The following UST variants were observed in gnomAD, a reference collection of about 807,000 sequenced individuals.
UST encodes the protein chondroitin sulfate 2-O-sulfotransferase.
Under a neutral mutation model 45.6 loss-of-function variants are expected in UST, and 21 were observed. The observed-to-expected ratio is 0.46, with a 90% CI of 0.33 to 0.66. The LOEUF (loss-of-function observed/expected upper bound fraction) is 0.66, where lower values mean the gene tolerates loss of function less well. Among genes scored for constraint, UST ranks in the 30% least tolerant of loss-of-function variants. The pLI is 0.02. For synonymous variants in UST, 215 were observed against 200.6 expected, an observed-to-expected ratio of 1.07 and a Z score of -0.61; for missense variants, 463 against 512.4, an observed-to-expected ratio of 0.90 and a Z score of 0.93.
chr6:149,025,429 A>C (rs1776036681), intron 7 of UST, among the ~76,000 whole-genome samples: 1 of 152,208 alleles, frequency 6.6e-6, no homozygotes, highest in South Asian at 2.1e-4. Context: ...GAGTTTTAGC[A>C]AGATGGATAA....
chr6:149,027,071 G>A (rs1029399040), intron 7 of UST, among the ~76,000 whole-genome samples: 3 of 151,466 alleles, frequency 2.0e-5, no homozygotes, highest in Non-Finnish European at 4.4e-5. Context: ...TAAATATTAT[G>A]CTTTTTTTTT....
chr6:148,799,257 T>C (rs969736950), intron 1 of UST, among the ~76,000 whole-genome samples: 1 of 152,176 alleles, frequency 6.6e-6, no homozygotes, highest in Admixed American at 6.5e-5. Context: ...GTTAAGGTAG[T>C]AATTTAGCGT....
At chr6:149,000,196 G>T (rs1006483408) in intron 5 of UST, among the ~76,000 whole-genome samples, 1 of 152,188 alleles carries the variant, frequency 6.6e-6, no homozygotes, top group Non-Finnish European at 1.5e-5. Flanking sequence ...GTTAAACGTA[G>T]CAACTGCTCA....
At chr6:149,046,850 C>CA (rs1344612719) in intron 7 of UST, among the ~76,000 whole-genome samples, 3 of 152,282 alleles carry the variant, frequency 2.0e-5, no homozygotes, top group Admixed American at 6.5e-5. Context: ...ATGCAGATTC[C>CA]AGCATTCCCT....
chr6:148,877,850 G>A (rs1157808888), intron 1 of UST, among the ~76,000 whole-genome samples: 2 of 138,586 alleles, frequency 1.4e-5, no homozygotes, highest in Admixed American at 7.3e-5. Context: ...GGTCGTGTAC[G>A]AGTGCGGGGA....
In UST at chr6:148,897,700, A is replaced by C. The variant is rs530011846; in HGVS notation, c.291+10671A>C. Among the ~76,000 whole-genome samples, 133 of 151,792 alleles carry C rather than the reference A, an allele frequency of 8.8e-4. 2 individuals are homozygous for C. The highest frequency in any genetic ancestry group is 3.1e-3 in the African/African-American group (130 of 41,370). On this transcript the variant is annotated intron_variant, in intron 2 of 7. Transcript: ENST00000367463. ...GAGATGGGGTCTCACTCTGTTGCCCAGGCTGGCCTTGAACCCCTGGCTTCA... is the reference window on the plus strand; with the variant it reads ...GAGATGGGGTCTCACTCTGTTGCCCCGGCTGGCCTTGAACCCCTGGCTTCA...
chr6:148,800,033 G>A (rs761533085), intron 1 of UST, among the ~76,000 whole-genome samples: 1 of 152,170 alleles, frequency 6.6e-6, no homozygotes, highest in Non-Finnish European at 1.5e-5. Flanking sequence ...AGGTGAATAC[G>A]AGAGCTGTCT....
rs139113578 is a variant in UST, at chr6:149,067,478, G to A, written c.938-6355G>A. 3.0e-3 allele frequency among the ~76,000 whole-genome samples: 458 copies of A among 152,228 alleles called. 2 individuals are homozygous for A. Among genetic ancestry groups the A allele is most frequent in the Non-Finnish European group, 4.8e-3 (329 of 67,996 alleles). ...GATCTTTTAAAGCTCTTGCCTTGTAGCCAAACATGAAAAAGTCCCCCTTCC... is the reference window on the plus strand; with the variant it reads ...GATCTTTTAAAGCTCTTGCCTTGTAACCAAACATGAAAAAGTCCCCCTTCC... On this transcript the variant is annotated intron_variant, in intron 7 of 7. Coordinates refer to ENST00000367463, the MANE Select transcript of UST (RefSeq NM_005715.3).
intron 1 of UST, among the ~76,000 whole-genome samples, chr6:148,803,087 A>C (rs1157474760): frequency 1.3e-5 from 2 of 152,106 alleles, no homozygotes; most frequent in South Asian, 2.1e-4. Flanking sequence ...CAGGGGCTGG[A>C]GTTCTGATTT....
At chr6:148,955,112 C>T (rs1486499324) in intron 4 of UST, among the ~76,000 whole-genome samples, 3 of 152,250 alleles carry the variant, frequency 2.0e-5, no homozygotes, top group Non-Finnish European at 4.4e-5. Flanking sequence ...CTTCTGTCAT[C>T]TTAACATGGG....
intron 1 of UST, among the ~76,000 whole-genome samples, chr6:148,767,763 T>C (rs1776348903): frequency 6.6e-6 from 1 of 152,206 alleles, no homozygotes; most frequent in Non-Finnish European, 1.5e-5. Flanking sequence ...AAAACACACA[T>C]TAATTTCTTT....
intron 5 of UST, among the ~76,000 whole-genome samples, chr6:148,975,428 A>G (rs1780997167): frequency 1.3e-5 from 2 of 152,158 alleles, no homozygotes; most frequent in Admixed American, 1.3e-4. Flanking sequence ...CAATTTCAAC[A>G]TATTCTGAAC....
chr6:148,819,506 C>T (rs926882249), intron 1 of UST, among the ~76,000 whole-genome samples: 3 of 152,166 alleles, frequency 2.0e-5, no homozygotes, highest in Non-Finnish European at 2.9e-5. Flanking sequence ...GAATCTCTTA[C>T]GTTACTTTTT....
At chr6:148,875,042 G>T (rs1778622242) in intron 1 of UST, among the ~76,000 whole-genome samples, 1 of 152,214 alleles carries the variant, frequency 6.6e-6, no homozygotes, top group South Asian at 2.1e-4. Context: ...CTGAATAAAA[G>T]GGGAAGGATT....
intron 7 of UST, among the ~76,000 whole-genome samples, chr6:149,071,708 T>A (rs1776820855): frequency 6.6e-6 from 1 of 152,156 alleles, no homozygotes; most frequent in Admixed American, 6.5e-5. Flanking sequence ...AAGAAAATAT[T>A]TGTAAATTAT....
chr6:148,757,697 A>G (rs1368573108), intron 1 of UST, among the ~76,000 whole-genome samples: 1 of 152,252 alleles, frequency 6.6e-6, no homozygotes, highest in Non-Finnish European at 1.5e-5. Flanking sequence ...TTCTGGAAAC[A>G]CCATTGCTGT....
intron 1 of UST, among the ~76,000 whole-genome samples, chr6:148,808,608 T>G (rs1777195215): frequency 6.6e-6 from 1 of 152,058 alleles, no homozygotes; most frequent in South Asian, 2.1e-4. Context: ...AGATGGCTTT[T>G]GCTTGATATA....
In UST at chr6:148,821,751, T is replaced by C. The variant is rs1394864153; in HGVS notation, c.248-65235T>C. Among the ~76,000 whole-genome samples, 3 of 152,250 alleles carry C rather than the reference T, an allele frequency of 2.0e-5. No homozygotes were observed. The East Asian group carries it at 5.8e-4, about 29-fold the overall frequency. ...TCTACCTTCTCATTCTTTGTAGATT[T>C]ATAAGTTGGTATTCCACTGTGAAGT... On this transcript the variant is annotated intron_variant, in intron 1 of 7. Coordinates refer to ENST00000367463, the MANE Select transcript of UST (RefSeq NM_005715.3).
intron 3 of UST, among the ~76,000 whole-genome samples, chr6:148,941,705 G>A (rs3734375): frequency 0.51 from 77,433 of 152,066 alleles, 19,920 homozygotes; most frequent in South Asian, 0.62. Context: ...TAAAATTAGC[G>A]ATATATACAT....
Sources: allele counts gnomAD v4.1 joint callset (sites outside exome capture counted in the v4.1 genomes callset), GRCh38; gene constraint gnomAD v4.1.1; transcripts MANE v1.5; gene names NCBI Gene and HGNC (gene_info 2026-07-23, HGNC 2026-07-21).